The following ZRANB2 variants were observed in gnomAD, a reference collection of about 807,000 sequenced individuals.
ZRANB2 encodes the protein zinc finger RANBP2-type containing 2.
In ZRANB2, 19 loss-of-function variants were observed where a neutral mutation model predicts 53.4. That is an observed-to-expected ratio of 0.36 (90% CI 0.25 to 0.52). The LOEUF (loss-of-function observed/expected upper bound fraction) is 0.52, where lower values mean the gene tolerates loss of function less well. ZRANB2 is among the 20% of genes least tolerant of loss of function. ZRANB2 has a pLI of 0.93. For missense variants in ZRANB2, 309 were observed against 401.1 expected (o/e 0.77, Z 1.96); for synonymous variants, 145 against 134.8 (o/e 1.08, Z -0.52).
intron 7 of ZRANB2, among the ~76,000 whole-genome samples, chr1:71,070,074 A>G (rs1234874724): frequency 6.6e-6 from 1 of 152,178 alleles, no homozygotes; most frequent in Non-Finnish European, 1.5e-5. Flanking sequence ...GTAGTGCTCA[A>G]TTAACATATA....
intron 4 of ZRANB2, among the ~76,000 whole-genome samples, chr1:71,076,014 G>C (rs528337819): frequency 6.6e-6 from 1 of 151,986 alleles, no homozygotes; most frequent in African/African-American, 2.4e-5. Context: ...CAATGAAAAC[G>C]GCCTAAAGTT....
Position 71,080,913 on chromosome 1 carries a change from C to T in ZRANB2, c.56+27G>A, listed in dbSNP as rs372247740. On this transcript the variant is annotated intron_variant, in intron 1 of 9. Coordinates refer to ENST00000370920, the MANE Select transcript of ZRANB2 (RefSeq NM_203350.3). ...AAAGCTTCCACTAACAAACTCCGTCCCAATTCAGGACCCTTCTTGAACTCA... is the reference window on the plus strand; with the variant it reads ...AAAGCTTCCACTAACAAACTCCGTCTCAATTCAGGACCCTTCTTGAACTCA... The T allele has an allele frequency of 4.1e-5, 66 of 1,613,698 alleles. No individual in the cohort carries two copies. In the African/African-American group the frequency reaches 7.2e-4, roughly 18 times the overall value.
intron 1 of ZRANB2, among the ~76,000 whole-genome samples, chr1:71,079,044 A>C (rs1661773713): frequency 6.6e-6 from 1 of 152,202 alleles, no homozygotes; most frequent in Non-Finnish European, 1.5e-5. Flanking sequence ...CACTTCACTA[A>C]TTACTTACAA....
chr1:71,075,144 T>C (rs1277235076), intron 4 of ZRANB2, among the ~76,000 whole-genome samples: 1 of 152,130 alleles, frequency 6.6e-6, no homozygotes, highest in Non-Finnish European at 1.5e-5. Flanking sequence ...CTAAAAGCAA[T>C]CAAAATGGGT....
rs1017726602 is a variant in ZRANB2 at position 71,081,022 on chromosome 1, G to A, written c.-27C>T. The A allele has an allele frequency of 6.2e-7, 1 of 1,614,008 alleles. No individual in the cohort carries two copies. ...TTGAACGCCACCAGCACAGCCACCC[G>A]CAGCTATGTCTTCACAGGAGGAAAA... On this transcript the variant is annotated 5_prime_UTR_variant, in exon 1 of 10. Transcript: ENST00000370920.
rs1220526521 is a variant in ZRANB2 at position 71,063,780 on chromosome 1, T to A, written c.*1294A>T. ...TTCACTTTAAAGTAAAAACATATAT[T>A]TTTGTTTGGTTTGTCTATGAAATAT... On this transcript the variant is annotated 3_prime_UTR_variant, in exon 10 of 10. Transcript: ENST00000370920. 6.6e-6 allele frequency: 1 copy of A among 152,392 alleles called. No homozygotes were observed. The highest frequency in any genetic ancestry group is 1.9e-4 in the East Asian group (1 of 5,202). The allele number at this position is 152,392 out of a possible 1,614,324, so 9.4% of individuals were successfully genotyped here. A position where few individuals can be genotyped will look rare whatever the true frequency, so the allele number is the denominator to read the frequency against.
intron 8 of ZRANB2, among the ~76,000 whole-genome samples, chr1:71,069,049 A>G (rs1661535859): frequency 6.6e-6 from 1 of 152,148 alleles, no homozygotes; most frequent in Middle Eastern, 3.2e-3. Flanking sequence ...AACGCTGCAT[A>G]TTGCAAAATA....
At position 71,072,188 on chromosome 1, in the gene ZRANB2, T is replaced by A; in HGVS notation, c.446A>T (p.Glu149Val). 1 of 1,612,520 alleles carries A rather than the reference T, an allele frequency of 6.2e-7. No homozygotes were observed. Among genetic ancestry groups the A allele is most frequent in the Non-Finnish European group, 8.5e-7 (1 of 1,179,284 alleles). ...VGPASILKEVEDKESEGEEED... is the reference protein window; with the variant it reads ...VGPASILKEVVDKESEGEEED... ...TTCTTCTCCCTCTGATTCTTTATCT[T>A]CAACTTCCTTTAATATAGATGCAGG... The change falls in exon 6 of 10, where the codon GAA (glutamate) becomes GTA (valine). Residue 149 changes from glutamate to valine, a missense_variant. Physicochemically the swap from Glu to Val is moderately radical, Grantham distance 121. Coordinates refer to ENST00000370920, the MANE Select transcript of ZRANB2 (RefSeq NM_203350.3).
rs576907614 is a variant in ZRANB2 at position 71,077,111 on chromosome 1, C to T, written c.219-234G>A. ...CAAAATTTATATAGTATGAAAAGTG[C>T]CTCTGTCATTTTGAGAAGTAAATGA... is the stretch of plus-strand genomic sequence containing the variant. On this transcript the variant is annotated intron_variant, in intron 3 of 9. Transcript: ENST00000370920. Among the ~76,000 whole-genome samples the T allele has an allele frequency of 3.5e-4, 54 of 152,242 alleles. 1 individual carries two copies. In the Middle Eastern group the frequency reaches 0.024, roughly 67 times the overall value.
intron 8 of ZRANB2, among the ~76,000 whole-genome samples, chr1:71,069,030 AAAAT>A (rs1661535085): frequency 6.6e-6 from 1 of 152,294 alleles, no homozygotes; most frequent in African/African-American, 2.4e-5. Flanking sequence ...TCTTAGTGCC[AAAAT>A]AATAAACGCT....
intron 8 of ZRANB2, 46 bp from the exon 9 acceptor site, chr1:71,066,980 A>G: frequency 6.6e-7 from 1 of 1,521,036 alleles, no homozygotes; most frequent in Non-Finnish European, 8.8e-7. Flanking sequence ...AAAAGAAGAA[A>G]TAAGGAAGAT....
At chr1:71,071,713 T>A (rs1252145992) in intron 6 of ZRANB2, among the ~76,000 whole-genome samples, 4 of 152,160 alleles carry the variant, frequency 2.6e-5, no homozygotes, top group Non-Finnish European at 2.9e-5. Flanking sequence ...TCTGCCTAAA[T>A]GTGCTCTCAC....
intron 1 of ZRANB2, among the ~76,000 whole-genome samples, chr1:71,079,185 T>C (rs976293258): frequency 9.9e-5 from 15 of 151,888 alleles, no homozygotes; most frequent in Non-Finnish European, 1.5e-4. Flanking sequence ...GAACCAAATA[T>C]GATAGGTTGT....
Position 71,064,636 on chromosome 1 carries a change from C to A in ZRANB2, c.*438G>T, listed in dbSNP as rs1360930574. 1.3e-5 allele frequency: 2 copies of A among 153,152 alleles called. No individual in the cohort carries two copies. Among genetic ancestry groups the A allele is most frequent in the Admixed American group, 6.5e-5 (1 of 15,270 alleles). 9.5% of individuals were successfully genotyped at this position (153,152 alleles called of 1,614,324 possible). ...TTTTTGGTGAGAATCACTCTGACAT[C>A]TGTTAACAGCATAAAAAGGCTGACT... is the stretch of plus-strand genomic sequence containing the variant. On this transcript the variant is annotated 3_prime_UTR_variant, in exon 10 of 10. Transcript: ENST00000370920.
chr1:71,063,832 A>C lies in ZRANB2; in HGVS notation c.*1242T>G, dbSNP rs1661360090. ...TTAAAATGTCGTAATTTTTATTTAA[A>C]TTGCAGCAGACAATGTTACGGAAAA... On this transcript the variant is annotated 3_prime_UTR_variant, in exon 10 of 10. Coordinates refer to ENST00000370920, the MANE Select transcript of ZRANB2 (RefSeq NM_203350.3). 1 of 152,376 alleles carries C rather than the reference A, an allele frequency of 6.6e-6. No individual in the cohort carries two copies. The highest frequency in any genetic ancestry group is 1.9e-4 in the East Asian group (1 of 5,196). 9.4% of individuals were successfully genotyped at this position (152,376 alleles called of 1,614,324 possible).
chr1:71,080,999 G>C lies in ZRANB2; in HGVS notation c.-4C>G, dbSNP rs780249895. 2.4e-5 allele frequency: 39 copies of C among 1,614,014 alleles called. 1 individual carries two copies. The highest frequency in any genetic ancestry group is 2.0e-4 in the South Asian group (18 of 91,088). ...CTCGGAAATTCTTGGTCGACATCTT[G>C]AACGCCACCAGCACAGCCACCCGCA... On this transcript the variant is annotated 5_prime_UTR_variant, in exon 1 of 10. Transcript: ENST00000370920.
chr1:71,070,079 C>T (rs1287363510), intron 7 of ZRANB2, among the ~76,000 whole-genome samples: 1 of 152,058 alleles, frequency 6.6e-6, no homozygotes, highest in East Asian at 1.9e-4. Context: ...GCTCAATTAA[C>T]ATATATCTAA....
At position 71,077,482 on chromosome 1, in the gene ZRANB2, A is replaced by T. The variant is rs1470728857; in HGVS notation, c.219-605T>A. ...CAAGCACTGAATTCCAAAGCATACCAAATCCAGTGACCAAATCTGTAGCTG... is the reference window on the plus strand; with the variant it reads ...CAAGCACTGAATTCCAAAGCATACCTAATCCAGTGACCAAATCTGTAGCTG... On this transcript the variant is annotated intron_variant, in intron 3 of 9. Transcript: ENST00000370920. Among the ~76,000 whole-genome samples, 3 of 152,330 alleles carry T rather than the reference A, an allele frequency of 2.0e-5. No homozygotes were observed. In the East Asian group the frequency reaches 5.8e-4, roughly 29 times the overall value.
chr1:71,077,421 T>C (rs1661732695), intron 3 of ZRANB2, among the ~76,000 whole-genome samples: 1 of 152,206 alleles, frequency 6.6e-6, no homozygotes, highest in Non-Finnish European at 1.5e-5. Flanking sequence ...TTATACCCTA[T>C]AAATAATATT....
Sources: gnomAD v4.1 joint callset for allele counts (sites outside exome capture counted in the v4.1 genomes callset) on GRCh38, gnomAD v4.1.1 for gene constraint, MANE v1.5 for transcripts, NCBI Gene and HGNC (gene_info 2026-07-23, HGNC 2026-07-21) for gene names.